The following ANKEF1 variants were observed in gnomAD, a reference collection of about 807,000 sequenced individuals.
The protein encoded by ANKEF1 is ankyrin repeat and EF-hand domain-containing protein 1.
In ANKEF1, 43 loss-of-function variants were observed where a neutral mutation model predicts 65.1. The observed-to-expected ratio is 0.66, with a 90% confidence interval of 0.52 to 0.85. The LOEUF (loss-of-function observed/expected upper bound fraction) is 0.85, where lower values mean the gene tolerates loss of function less well. Ranked by LOEUF, ANKEF1 falls within the 40% of genes least tolerant of loss-of-function variation. The pLI is 0.00. For missense variants in ANKEF1, 934 were observed against 952.9 expected, an observed-to-expected ratio of 0.98 and a Z score of 0.26; for synonymous variants, 316 against 341.5, an observed-to-expected ratio of 0.93 and a Z score of 0.82.
At chr20:10,035,691 A>G (rs1983798580) in intron 2 of ANKEF1, 49 bp downstream of exon 2, 2 of 152,204 alleles carry the variant, frequency 1.3e-5, no homozygotes, top group Non-Finnish European at 2.9e-5. Flanking sequence ...GTAAATAATG[A>G]TACAGGGAAG....
Position 10,043,251 on chromosome 20 carries a change from A to G in ANKEF1, c.476A>G (p.Asp159Gly), listed in dbSNP as rs1300638299. The G allele has an allele frequency of 6.2e-7, 1 of 1,614,102 alleles. No individual in the cohort carries two copies. Among genetic ancestry groups the G allele is most frequent in the African/African-American group, 1.3e-5 (1 of 74,948 alleles). ...GKPIFLRACE[D>G]AHDVKDVCLT... is the part of the protein sequence containing the mutation. ...CCAATATTCCTTAGAGCTTGTGAAG[A>G]TGCACATGATGTTAAAGATGTGTGC... is the stretch of plus-strand genomic sequence containing the variant. The change falls in exon 4 of 11, where the codon GAT (aspartate) becomes GGT (glycine). Residue 159 changes from aspartate to glycine, a missense_variant. Coordinates refer to ENST00000378392, the MANE Select transcript of ANKEF1 (RefSeq NM_022096.6).
rs572186440 is a variant in ANKEF1, at chr20:10,051,748, C to T, written c.1729C>T (p.Leu577Phe). The T allele has an allele frequency of 5.0e-6, 8 of 1,613,722 alleles. No homozygotes were observed. The highest frequency in any genetic ancestry group is 6.8e-6 in the Non-Finnish European group (8 of 1,179,864). ...HAGQQDIVELLVESGALIDAA... is the reference protein window; with the variant it reads ...HAGQQDIVELFVESGALIDAA... ...AGGCCAACAAGACATTGTTGAGCTT[C>T]TTGTTGAATCTGGAGCTTTAATAGA... Residue 577 changes from leucine to phenylalanine, a missense_variant, in exon 8 of 11, where the codon CTT becomes TTT. Transcript: ENST00000378392.
In ANKEF1 at chr20:10,043,141, T is replaced by C; in HGVS notation, c.366T>C (p.Ile122=). 6.2e-7 allele frequency: 1 copy of C among 1,614,150 alleles called. No individual in the cohort carries two copies. The highest frequency in any genetic ancestry group is 8.5e-7 in the Non-Finnish European group (1 of 1,179,996). Residue 122 remains isoleucine, a synonymous_variant, in exon 4 of 11, where the codon ATT becomes ATC. Coordinates refer to ENST00000378392, the MANE Select transcript of ANKEF1 (RefSeq NM_022096.6). ...NEGKGVLFYC[I]LPTKRHYRCA... ...CTGCAGGTGTTTTGTTTTACTGCAT[T>C]TTACCGACTAAGCGGCATTATCGCT...
chr20:10,050,085 G>A lies in ANKEF1; in HGVS notation c.1516G>A (p.Ala506Thr). Residue 506 changes from alanine (A) to threonine (T), a missense_variant, in exon 7 of 11, where the codon GCT becomes ACT. Ala to Thr is a moderately conservative substitution (Grantham distance 58). Transcript: ENST00000378392. ...INIITKAGDL[A>T]SLKKAFESGI... ...TATTATCACCAAAGCAGGGGATCTG[G>A]CTTCTCTGAAAAAGGCCTTTGAATC... 6.2e-7 allele frequency: 1 copy of A among 1,614,116 alleles called. No homozygotes were observed. The highest frequency in any genetic ancestry group is 8.5e-7 in the Non-Finnish European group (1 of 1,180,002).
At chr20:10,047,047 T>C (rs1190818228) in intron 6 of ANKEF1, among the ~76,000 whole-genome samples, 1 of 152,238 alleles carries the variant, frequency 6.6e-6, no homozygotes, top group Admixed American at 6.5e-5. Flanking sequence ...TTTAACATTA[T>C]GTATTTCTAA....
intron 6 of ANKEF1, among the ~76,000 whole-genome samples, chr20:10,047,926 A>G (rs968764555): frequency 6.6e-6 from 1 of 152,210 alleles, no homozygotes; most frequent in African/African-American, 2.4e-5. Context: ...AGGGTAAGCT[A>G]AAACAGGATG....
chr20:10,054,986 C>T (rs1197348794), intron 10 of ANKEF1, among the ~76,000 whole-genome samples: 2 of 152,102 alleles, frequency 1.3e-5, no homozygotes, highest in Non-Finnish European at 2.9e-5. Flanking sequence ...TAAATCAAGA[C>T]TGGATTTATT....
Position 10,045,708 on chromosome 20 carries a change from C to G in ANKEF1, c.820+11C>G. The G allele has an allele frequency of 6.2e-7, 1 of 1,612,998 alleles. No homozygotes were observed. The highest frequency in any genetic ancestry group is 8.5e-7 in the Non-Finnish European group (1 of 1,179,346). ...ATATAGCTCAGCGAGGTAAAATTGT[C>G]TAGCAATTTTGTGCTTCAAGTACTT... On this transcript the variant is annotated intron_variant, in intron 6 of 10. Transcript: ENST00000378392.
At chr20:10,051,591 T>C in intron 7 of ANKEF1, 72 bp from the exon 8 acceptor site, 1 of 1,199,098 alleles carries the variant, frequency 8.3e-7, no homozygotes, top group South Asian at 1.4e-5. Context: ...CTATGAAATC[T>C]TACTTTGCAT....
At position 10,057,923 on chromosome 20, in the gene ANKEF1, A is replaced by T. The variant is rs1436764206; in HGVS notation, c.*2263A>T. The T allele has an allele frequency of 6.6e-6, 1 of 152,134 alleles. No individual in the cohort carries two copies. The highest frequency in any genetic ancestry group is 2.4e-5 in the African/African-American group (1 of 41,416). The allele number at this position is 152,134 out of a possible 1,614,324, so 9.4% of individuals were successfully genotyped here. A position where few individuals can be genotyped will look rare whatever the true frequency, so the allele number is the denominator to read the frequency against. On this transcript the variant is annotated 3_prime_UTR_variant, in exon 11 of 11. Transcript: ENST00000378392. The stretch of plus-strand genomic sequence containing the variant: ...TTTGTTTGTTTGTTTATGACAGTAT[A>T]TAAGAAGAACACAAGCCACTTTTAT...
chr20:10,036,836 G>C (rs1321765174), intron 2 of ANKEF1, among the ~76,000 whole-genome samples: 1 of 152,082 alleles, frequency 6.6e-6, no homozygotes, highest in Non-Finnish European at 1.5e-5. Context: ...AGTGAGAGTT[G>C]GGCTGAGGGT....
Position 10,049,631 on chromosome 20 carries a change from CA to C in ANKEF1, c.1063del (p.Ser355AlafsTer6). On this transcript the variant is annotated frameshift_variant, in exon 7 of 11. Coordinates refer to ENST00000378392, the MANE Select transcript of ANKEF1 (RefSeq NM_022096.6). LOFTEE classifies it high-confidence loss of function. The part of the protein sequence containing the change: ...AVLDRGDGSI[S>X]KNDFVMVLEE... ...TTTTAGACAGGGGTGATGGAAGCAT[CA>C]GCAAGAACGACTTCGTGATGGTGTT... 1 of 1,614,086 alleles carries C rather than the reference CA, an allele frequency of 6.2e-7. No homozygotes were observed. Among genetic ancestry groups the C allele is most frequent in the East Asian group, 2.2e-5 (1 of 44,878 alleles).
intron 4 of ANKEF1, 75 bp from the exon 5 acceptor site, chr20:10,044,319 C>T: frequency 6.9e-7 from 1 of 1,457,836 alleles, no homozygotes. Context: ...TGGATTCAGA[C>T]TGTATTTGTA....
Position 10,057,410 on chromosome 20 carries a change from T to A in ANKEF1, c.*1750T>A, listed in dbSNP as rs896035157. ...TTTTTGTTCTCTCTTTTCTTTTTGTTTTGACATAATTTCATATTTATGGAA... is the reference window on the plus strand; with the variant it reads ...TTTTTGTTCTCTCTTTTCTTTTTGTATTGACATAATTTCATATTTATGGAA... On this transcript the variant is annotated 3_prime_UTR_variant, in exon 11 of 11. Transcript: ENST00000378392. 6.6e-6 allele frequency: 1 copy of A among 152,230 alleles called. No individual in the cohort carries two copies. Among genetic ancestry groups the A allele is most frequent in the African/African-American group, 2.4e-5 (1 of 41,450 alleles). 9.4% of individuals were successfully genotyped at this position (152,230 alleles called of 1,614,324 possible). A position where few individuals can be genotyped will look rare whatever the true frequency, so the allele number is the denominator to read the frequency against.
At chr20:10,051,581 C>G (rs1984855998) in intron 7 of ANKEF1, 82 bp from the exon 8 acceptor site, 6 of 1,081,282 alleles carry the variant, frequency 5.5e-6, no homozygotes, top group East Asian at 2.5e-5. Context: ...TGATAGAACT[C>G]TATGAAATCT....
intron 8 of ANKEF1, 85 bp from the exon 9 acceptor site, chr20:10,053,027 G>A: frequency 6.5e-6 from 9 of 1,393,714 alleles, no homozygotes; most frequent in Non-Finnish European, 8.7e-6. Context: ...GGCAGGCTTA[G>A]AGCTGATGTG....
rs1430441382 is a variant in ANKEF1, at chr20:10,045,451, G to C, written c.697-123G>C. ...TTTTCAGTTTAGTTCATTTCAATTTGAATTTTCAATAGTCATACGTGGCTA... is the reference window on the plus strand; with the variant it reads ...TTTTCAGTTTAGTTCATTTCAATTTCAATTTTCAATAGTCATACGTGGCTA... On this transcript the variant is annotated intron_variant, in intron 5 of 10. Coordinates refer to ENST00000378392, the MANE Select transcript of ANKEF1 (RefSeq NM_022096.6). 4.1e-6 allele frequency: 4 copies of C among 966,940 alleles called. No homozygotes were observed. In the Admixed American group the frequency reaches 8.1e-5, roughly 20 times the overall value. 59.9% of individuals were successfully genotyped at this position (966,940 alleles called of 1,614,324 possible).
rs1370159711 is a variant in ANKEF1 at position 10,057,045 on chromosome 20, G to A, written c.*1385G>A. 1 of 152,188 alleles carries A rather than the reference G, an allele frequency of 6.6e-6. No individual in the cohort carries two copies. The highest frequency in any genetic ancestry group is 2.4e-5 in the African/African-American group (1 of 41,454). The allele number at this position is 152,188 out of a possible 1,614,324, so 9.4% of individuals were successfully genotyped here. On this transcript the variant is annotated 3_prime_UTR_variant, in exon 11 of 11. Transcript: ENST00000378392. ...CACACCAAGAAATGCAGTGGGTACC[G>A]AACAGGAGCTCCAAAAATATCCAAC...
chr20:10,047,575 C>T (rs1022518272), intron 6 of ANKEF1, among the ~76,000 whole-genome samples: 5 of 152,188 alleles, frequency 3.3e-5, no homozygotes, highest in African/African-American at 1.2e-4. Flanking sequence ...TCTTTCGCCC[C>T]CTCGTCCCCC....
Sources: gnomAD v4.1 joint callset for allele counts (sites outside exome capture counted in the v4.1 genomes callset) on GRCh38, gnomAD v4.1.1 for gene constraint, MANE v1.5 for transcripts, NCBI Gene and HGNC (gene_info 2026-07-23, HGNC 2026-07-21) for gene names.